TBC1D22A: variants seen among roughly 807,000 people sequenced by gnomAD.
The protein encoded by TBC1D22A is TBC1 domain family member 22A.
TBC1D22A carries 38 observed loss-of-function variants against 60.2 expected under a neutral mutation model. That is an observed-to-expected ratio of 0.63 (90% CI 0.49 to 0.83). TBC1D22A has a LOEUF of 0.83. Ranked by LOEUF, TBC1D22A falls within the 40% of genes least tolerant of loss-of-function variation. The probability of loss-of-function intolerance (pLI) is 0.00; values close to 1 mark genes in which losing one functional copy is unlikely to be tolerated. For missense variants in TBC1D22A, 628 were observed against 701.0 expected (o/e 0.90, Z 1.18); for synonymous variants, 302 against 281.7 (o/e 1.07, Z -0.72).
chr22:46,820,695 T>A lies in TBC1D22A; in HGVS notation c.637+23075T>A, dbSNP rs147939521. ...AAGCGCCATGTGGCACTGAGAAGAA[T>A]GTATATTCTGTTGATTTGGAGTTGA... On this transcript the variant is annotated intron_variant, in intron 4 of 12. Transcript: ENST00000337137. Among the ~76,000 whole-genome samples the A allele has an allele frequency of 2.7e-3, 418 of 152,214 alleles. 1 individual carries two copies. The highest frequency in any genetic ancestry group is 0.01 in the Middle Eastern group (3 of 294).
At chr22:46,954,616 C>A (rs530148889) in intron 8 of TBC1D22A, among the ~76,000 whole-genome samples, 6 of 152,154 alleles carry the variant, frequency 3.9e-5, no homozygotes, top group Non-Finnish European at 8.8e-5. Flanking sequence ...GCTGAGGACG[C>A]CGAGCTGAGT....
chr22:46,873,859 C>T lies in TBC1D22A; in HGVS notation c.638-4794C>T, dbSNP rs187209523. 4.3e-4 allele frequency among the ~76,000 whole-genome samples: 65 copies of T among 151,964 alleles called. No individual in the cohort carries two copies. In the East Asian group the frequency reaches 6.2e-3, roughly 15 times the overall value. On this transcript the variant is annotated intron_variant, in intron 4 of 12. Coordinates refer to ENST00000337137, the MANE Select transcript of TBC1D22A (RefSeq NM_014346.5). ...CCAAGGCTGGAGAGGTGCAGTGGCA[C>T]GATCTCAGCTCACTACAAGCTCCAC...
At chr22:47,154,054 C>T (rs879896582) in intron 12 of TBC1D22A, among the ~76,000 whole-genome samples, 1 of 152,026 alleles carries the variant, frequency 6.6e-6, no homozygotes, top group Admixed American at 6.5e-5. Flanking sequence ...GCTGTGACTG[C>T]GAGTGGATGA....
At chr22:46,804,324 G>A (rs1226343449) in intron 4 of TBC1D22A, among the ~76,000 whole-genome samples, 1 of 152,238 alleles carries the variant, frequency 6.6e-6, no homozygotes, top group Non-Finnish European at 1.5e-5. Context: ...AAATGTTATT[G>A]AAAGTTAGAG....
In TBC1D22A at chr22:47,028,090, C is replaced by A. The variant is rs57121819; in HGVS notation, c.1202-8981C>A. On this transcript the variant is annotated intron_variant, in intron 10 of 12. Coordinates refer to ENST00000337137, the MANE Select transcript of TBC1D22A (RefSeq NM_014346.5). This position sits in a 1 kb window ranked among gnomAD's most constrained non-coding sequence, Gnocchi z 4.4. ...GGGTGTGCTGAGTAGCTCGTGTGCA[C>A]GTCTGTGAGGTGAAAATGATTTAAT... 2.8e-4 allele frequency among the ~76,000 whole-genome samples: 42 copies of A among 152,222 alleles called. No homozygotes were observed. The East Asian group carries it at 7.5e-3, about 27-fold the overall frequency.
intron 7 of TBC1D22A, among the ~76,000 whole-genome samples, chr22:46,910,293 T>G (rs130984): frequency 0.77 from 116,299 of 151,900 alleles, 44,640 homozygotes; most frequent in Middle Eastern, 0.85. Flanking sequence ...CTCTGGGTAG[T>G]CTCCTTGGGT....
intron 8 of TBC1D22A, chr22:46,913,248 C>T: frequency 2.9e-6 from 3 of 1,024,470 alleles, no homozygotes. Flanking sequence ...TGTTTAGTCA[C>T]AGCATTTTAA....
At chr22:46,991,048 G>C (rs2074920790) in intron 9 of TBC1D22A, among the ~76,000 whole-genome samples, 3 of 152,170 alleles carry the variant, frequency 2.0e-5, no homozygotes, top group East Asian at 3.8e-4. Context: ...GCGGAATTAG[G>C]GGGAGGTTGG....
At chr22:46,815,585 G>T (rs2085560181) in intron 4 of TBC1D22A, among the ~76,000 whole-genome samples, 1 of 152,150 alleles carries the variant, frequency 6.6e-6, no homozygotes, top group African/African-American at 2.4e-5. Flanking sequence ...TTATTCACTT[G>T]TTTGCTCACT....
chr22:47,140,099 AT>A (rs930839428), intron 12 of TBC1D22A, among the ~76,000 whole-genome samples: 1 of 152,190 alleles, frequency 6.6e-6, no homozygotes, highest in African/African-American at 2.4e-5. Context: ...TTTTGAAGTG[AT>A]TTCTCCTCAT....
intron 8 of TBC1D22A, among the ~76,000 whole-genome samples, chr22:46,919,287 CA>C (rs1353467616): frequency 2.0e-5 from 3 of 152,168 alleles, no homozygotes; most frequent in African/African-American, 7.2e-5. Flanking sequence ...TGGCTTCTTC[CA>C]CTTGGCATCA....
chr22:47,098,075 AAAAG>A (rs1270279909), intron 11 of TBC1D22A, among the ~76,000 whole-genome samples: 1 of 152,198 alleles, frequency 6.6e-6, no homozygotes, highest in Non-Finnish European at 1.5e-5. Flanking sequence ...AAAAAAAAGA[AAAAG>A]AAAAAAAATC....
rs116572277 is a variant in TBC1D22A at position 47,074,325 on chromosome 22, C to T, written c.1329+37127C>T. Among the ~76,000 whole-genome samples the T allele has an allele frequency of 2.6e-3, 402 of 152,308 alleles. 1 individual carries two copies. The highest frequency in any genetic ancestry group is 9.4e-3 in the African/African-American group (391 of 41,570). On this transcript the variant is annotated intron_variant, in intron 11 of 12. Transcript: ENST00000337137. The stretch of plus-strand genomic sequence containing the variant: ...TGGCCTCTGCAGACTCCCTTGTTTT[C>T]CCTAATGTGTGTCAACACATCTATT...
chr22:46,885,988 C>A (rs553491375), intron 5 of TBC1D22A, among the ~76,000 whole-genome samples: 1 of 150,970 alleles, frequency 6.6e-6, no homozygotes, highest in Admixed American at 6.6e-5. Flanking sequence ...GCTCACTGCA[C>A]GCTCCGCCTC....
chr22:46,863,962 C>T (rs970837883), intron 4 of TBC1D22A, among the ~76,000 whole-genome samples: 9 of 152,144 alleles, frequency 5.9e-5, no homozygotes, highest in African/African-American at 1.9e-4. Context: ...AGAGGCCTCT[C>T]GAGTTGTCCC....
intron 4 of TBC1D22A, among the ~76,000 whole-genome samples, chr22:46,808,364 TA>T (rs61106220): frequency 0.45 from 68,090 of 149,710 alleles, 15,966 homozygotes; most frequent in African/African-American, 0.6. Flanking sequence ...CTTAAAAAAA[TA>T]AAAAAAAATA....
chr22:46,843,176 G>A (rs1363206705), intron 4 of TBC1D22A, among the ~76,000 whole-genome samples: 1 of 152,204 alleles, frequency 6.6e-6, no homozygotes, highest in Non-Finnish European at 1.5e-5. Context: ...TCTGCTGCTC[G>A]CCTTTAGCTC....
At chr22:47,152,450 A>G (rs942056523) in intron 12 of TBC1D22A, among the ~76,000 whole-genome samples, 3 of 152,074 alleles carry the variant, frequency 2.0e-5, no homozygotes, top group Non-Finnish European at 2.9e-5. Flanking sequence ...GTGGCTGGTC[A>G]TGGCATCTCA....
chr22:47,118,806 C>A (rs1197305420), intron 12 of TBC1D22A, among the ~76,000 whole-genome samples: 1 of 125,674 alleles, frequency 8.0e-6, no homozygotes, highest in Non-Finnish European at 1.7e-5. Flanking sequence ...CACACACACA[C>A]ACACACATAC....
Sources: allele counts gnomAD v4.1 joint callset (sites outside exome capture counted in the v4.1 genomes callset), GRCh38; gene constraint gnomAD v4.1.1; non-coding constraint Gnocchi (gnomAD v3.1); transcripts MANE v1.5; gene names NCBI Gene and HGNC (gene_info 2026-07-23, HGNC 2026-07-21).